Variants in MSRA observed in about 807,000 individuals in gnomAD.
MSRA encodes mitochondrial peptide methionine sulfoxide reductase.
Under a neutral mutation model 31.3 loss-of-function variants are expected in MSRA, and 54 were observed. The ratio of observed to expected loss-of-function variants is 1.73; its 90% CI spans 1.39 to 2.17. MSRA has a LOEUF of 2.17. MSRA is among the 30% of genes most tolerant of loss of function. The pLI is 0.00. For synonymous variants in MSRA, 169 were observed against 116.5 expected (o/e 1.45, Z -2.90); for missense variants, 507 against 300.9 (o/e 1.69, Z -5.07).
At chr8:10,114,346 C>A (rs991376921) in intron 1 of MSRA, among the ~76,000 whole-genome samples, 1 of 152,138 alleles carries the variant, frequency 6.6e-6, no homozygotes, top group African/African-American at 2.4e-5. Flanking sequence ...ATCTGGGGGC[C>A]AGACGTAAGA....
chr8:10,202,954 C>T (rs2129057976), intron 1 of MSRA, among the ~76,000 whole-genome samples: 1 of 152,124 alleles, frequency 6.6e-6, no homozygotes, highest in Non-Finnish European at 1.5e-5. Flanking sequence ...CCGTCTTGTC[C>T]TGGATCGCCT....
chr8:10,171,669 G>C (rs1805599968), intron 1 of MSRA, among the ~76,000 whole-genome samples: 1 of 152,190 alleles, frequency 6.6e-6, no homozygotes, highest in Non-Finnish European at 1.5e-5. Context: ...ATTACCTAAA[G>C]ATTATATTAC....
intron 1 of MSRA, among the ~76,000 whole-genome samples, chr8:10,070,924 A>G (rs989535202): frequency 6.6e-6 from 1 of 152,200 alleles, no homozygotes; most frequent in Non-Finnish European, 1.5e-5. Flanking sequence ...GATTGTTTCC[A>G]GTCTTTGGCT....
intron 1 of MSRA, among the ~76,000 whole-genome samples, chr8:10,122,967 A>T (rs892099150): frequency 4.6e-5 from 7 of 152,146 alleles, no homozygotes; most frequent in African/African-American, 1.7e-4. Flanking sequence ...CATCTTTGCT[A>T]TTGTGAATAG....
chr8:10,201,967 C>T (rs1808540911), intron 1 of MSRA, among the ~76,000 whole-genome samples: 2 of 152,228 alleles, frequency 1.3e-5, no homozygotes, highest in African/African-American at 2.4e-5. Context: ...TTGGGAGGCA[C>T]CCACTCTGCT....
chr8:10,428,391 A>T lies in MSRA; in HGVS notation c.*79A>T. 6.8e-7 allele frequency: 1 copy of T among 1,473,426 alleles called. No homozygotes were observed. Among genetic ancestry groups the T allele is most frequent in the Non-Finnish European group, 9.3e-7 (1 of 1,072,156 alleles). The allele number at this position is 1,473,426 out of a possible 1,614,324, so 91.3% of individuals were successfully genotyped here. A position where few individuals can be genotyped will look rare whatever the true frequency, so the allele number is the denominator to read the frequency against. ...TTGGGCAATGCTTGTGTGATTCACA[A>T]TCGTGGCATTTAAAGTGCACAAAGT... is the stretch of plus-strand genomic sequence containing the variant. On this transcript the variant is annotated 3_prime_UTR_variant, in exon 6 of 6. Transcript: ENST00000317173.
chr8:10,252,625 T>A (rs1441031686), intron 3 of MSRA, among the ~76,000 whole-genome samples: 2 of 152,208 alleles, frequency 1.3e-5, no homozygotes, highest in Non-Finnish European at 2.9e-5. Flanking sequence ...CCTTTCAAGC[T>A]TCTGCAAATT....
chr8:10,346,152 T>TA (rs1367261323), intron 5 of MSRA, among the ~76,000 whole-genome samples: 1 of 152,198 alleles, frequency 6.6e-6, no homozygotes, highest in African/African-American at 2.4e-5. Flanking sequence ...CCCTCTTTTC[T>TA]CTTATATATG....
chr8:10,248,674 A>G (rs1797758090), intron 3 of MSRA, among the ~76,000 whole-genome samples: 1 of 152,158 alleles, frequency 6.6e-6, no homozygotes, highest in Non-Finnish European at 1.5e-5. Context: ...GTGACTCTGA[A>G]CCCCAAATCG....
intron 1 of MSRA, among the ~76,000 whole-genome samples, chr8:10,151,323 A>T (rs892678415): frequency 6.6e-6 from 1 of 151,040 alleles, no homozygotes; most frequent in African/African-American, 2.4e-5. Context: ...GTCAGTGGAA[A>T]GGATTTAGAG....
chr8:10,054,461 G>T lies in MSRA; in HGVS notation c.-56G>T. 1 of 1,511,112 alleles carries T rather than the reference G, an allele frequency of 6.6e-7. No homozygotes were observed. The highest frequency in any genetic ancestry group is 1.2e-5 in the South Asian group (1 of 82,124). 93.6% of individuals were successfully genotyped at this position (1,511,112 alleles called of 1,614,324 possible). A position where few individuals can be genotyped will look rare whatever the true frequency, so the allele number is the denominator to read the frequency against. ...CCCCACTCTCTGCCGTTCCGGCTGCGGCTCCGCTGCCGGTAGCGCCGTCCC... is the reference window on the plus strand; with the variant it reads ...CCCCACTCTCTGCCGTTCCGGCTGCTGCTCCGCTGCCGGTAGCGCCGTCCC... On this transcript the variant is annotated 5_prime_UTR_variant, in exon 1 of 6. Coordinates refer to ENST00000317173, the MANE Select transcript of MSRA (RefSeq NM_012331.5).
chr8:10,233,175 C>T (rs1205720459), intron 2 of MSRA, among the ~76,000 whole-genome samples: 2 of 152,194 alleles, frequency 1.3e-5, no homozygotes, highest in African/African-American at 4.8e-5. Flanking sequence ...CTGGGTTTTA[C>T]CTGTTTCTTG....
chr8:10,112,299 C>T (rs983480209), intron 1 of MSRA, among the ~76,000 whole-genome samples: 5 of 152,078 alleles, frequency 3.3e-5, no homozygotes, highest in African/African-American at 4.8e-5. Context: ...ATGCAAAAGC[C>T]ATTTGGTTTG....
chr8:10,243,205 C>G (rs901784413), intron 2 of MSRA, among the ~76,000 whole-genome samples: 1 of 152,052 alleles, frequency 6.6e-6, no homozygotes, highest in Non-Finnish European at 1.5e-5. Context: ...CGCTGTTAGT[C>G]GTTGTGCAGC....
chr8:10,246,591 A>G (rs1797634970), intron 3 of MSRA, among the ~76,000 whole-genome samples: 2 of 152,218 alleles, frequency 1.3e-5, no homozygotes, highest in South Asian at 2.1e-4. Flanking sequence ...CAAGGGCACC[A>G]TGAATGATGG....
At chr8:10,059,278 TG>T (rs1802569663) in intron 1 of MSRA, among the ~76,000 whole-genome samples, 1 of 152,210 alleles carries the variant, frequency 6.6e-6, no homozygotes, top group Non-Finnish European at 1.5e-5. Context: ...TTAAGTGTCT[TG>T]TATGCCAGGC....
chr8:10,106,172 A>G (rs548724311), intron 1 of MSRA, among the ~76,000 whole-genome samples: 2 of 152,236 alleles, frequency 1.3e-5, no homozygotes, highest in South Asian at 4.1e-4. Flanking sequence ...GCAAACCCAA[A>G]CGTGGAAGTC....
At chr8:10,153,518 CTT>C (rs35883591) in intron 1 of MSRA, among the ~76,000 whole-genome samples, 1 of 127,284 alleles carries the variant, frequency 7.9e-6, no homozygotes, top group Non-Finnish European at 1.7e-5. Context: ...TTCTACCTTC[CTT>C]TTTTTTTGCC....
intron 3 of MSRA, among the ~76,000 whole-genome samples, chr8:10,267,366 G>C (rs182944684): frequency 1.3e-5 from 2 of 152,200 alleles, no homozygotes; most frequent in Admixed American, 6.5e-5. Flanking sequence ...AGAGCAACTC[G>C]TGGAGGGAAG....
Sources: gnomAD v4.1 joint callset for allele counts (sites outside exome capture counted in the v4.1 genomes callset) on GRCh38, gnomAD v4.1.1 for gene constraint, MANE v1.5 for transcripts, NCBI Gene and HGNC (gene_info 2026-07-23, HGNC 2026-07-21) for gene names.